The following ZNF385D variants were observed in gnomAD, a reference collection of about 807,000 sequenced individuals.
The protein encoded by ZNF385D is zinc finger protein 385D.
In ZNF385D, 15 loss-of-function variants were observed where a neutral mutation model predicts 35.8. That is an observed-to-expected ratio of 0.42 (90% CI 0.28 to 0.64). ZNF385D has a LOEUF of 0.64. Ranked by LOEUF, ZNF385D falls within the 30% of genes least tolerant of loss-of-function variation. The pLI is 0.23. For missense variants in ZNF385D, 474 were observed against 494.6 expected (o/e 0.96, Z 0.39); for synonymous variants, 212 against 186.8 (o/e 1.13, Z -1.10).
chr3:21,967,675 G>T (rs1702988145), intron 3 of ZNF385D, among the ~76,000 whole-genome samples: 1 of 152,304 alleles, frequency 6.6e-6, no homozygotes, highest in South Asian at 2.1e-4. Flanking sequence ...CTAACACACA[G>T]AAGACCTTTC....
intron 4 of ZNF385D, among the ~76,000 whole-genome samples, chr3:21,496,346 T>C (rs1004356252): frequency 7.0e-6 from 1 of 143,054 alleles, no homozygotes; most frequent in Non-Finnish European, 1.5e-5. Flanking sequence ...AGGTATCAAG[T>C]ATATATGTAT....
At chr3:22,235,173 T>C (rs1304170394) in intron 2 of ZNF385D, among the ~76,000 whole-genome samples, 2 of 152,048 alleles carry the variant, frequency 1.3e-5, no homozygotes, top group Non-Finnish European at 2.9e-5. Context: ...TATATGAATC[T>C]GGAATTTTAC....
chr3:21,554,635 T>C (rs899947463), intron 3 of ZNF385D, among the ~76,000 whole-genome samples: 1 of 152,178 alleles, frequency 6.6e-6, no homozygotes, highest in African/African-American at 2.4e-5. Context: ...GATAGCATAA[T>C]CTTCCAATAG....
chr3:21,983,189 G>T (rs1270334166), intron 3 of ZNF385D, among the ~76,000 whole-genome samples: 1 of 144,084 alleles, frequency 6.9e-6, no homozygotes, highest in Non-Finnish European at 1.5e-5. Flanking sequence ...TATACTTTAA[G>T]TTTTAGGGTA....
chr3:21,784,092 G>A (rs1435240509), intron 3 of ZNF385D, among the ~76,000 whole-genome samples: 7 of 152,104 alleles, frequency 4.6e-5, no homozygotes, highest in African/African-American at 1.7e-4. Flanking sequence ...TCAGTCTCCT[G>A]TAAGAAGTTT....
chr3:21,604,168 C>A (rs1025958317), intron 2 of ZNF385D, among the ~76,000 whole-genome samples: 8 of 151,986 alleles, frequency 5.3e-5, no homozygotes, highest in African/African-American at 1.9e-4. Flanking sequence ...GCAAACGTAG[C>A]CTAATAAAGA....
chr3:22,329,076 C>CAAAAAA (rs776193960), intron 2 of ZNF385D, among the ~76,000 whole-genome samples: 5 of 74,872 alleles, frequency 6.7e-5, no homozygotes, highest in Non-Finnish European at 9.8e-5. Context: ...GACTCCGTCT[C>CAAAAAA]AAAAAAAAAA....
intron 3 of ZNF385D, among the ~76,000 whole-genome samples, chr3:21,813,421 C>T (rs112129885): frequency 0.31 from 47,012 of 152,044 alleles, 8,158 homozygotes; most frequent in Non-Finnish European, 0.4. Flanking sequence ...AGGAGGATGT[C>T]TGAACCCATC....
At chr3:22,002,193 T>C (rs1055914402) in intron 3 of ZNF385D, among the ~76,000 whole-genome samples, 4 of 151,888 alleles carry the variant, frequency 2.6e-5, no homozygotes, top group African/African-American at 9.6e-5. Context: ...ATTAATGCAC[T>C]ATTAGCTCAA....
chr3:22,168,865 G>T lies in ZNF385D; in HGVS notation c.277C>A (p.Gln93Lys), dbSNP rs983594343. The T allele has an allele frequency of 1.3e-5, 13 of 985,804 alleles. 1 individual carries two copies. The highest frequency in any genetic ancestry group is 1.1e-4 in the East Asian group (1 of 8,806). The allele number at this position is 985,804 out of a possible 1,614,324, so 61.1% of individuals were successfully genotyped here. A position where few individuals can be genotyped will look rare whatever the true frequency, so the allele number is the denominator to read the frequency against. The stretch of plus-strand genomic sequence containing the variant: ...TTGCTGAGTTGTTTTAATCTCTTTT[G>T]ATGTGATTTGCCATTGTAGTGGATT... Residue 93 changes from glutamine (Q) to lysine (K), a missense_variant, in exon 3 of 6, where the codon CAA (glutamine) becomes AAA (lysine). Transcript: ENST00000494108.
chr3:22,061,948 T>G (rs1241323339), intron 3 of ZNF385D, among the ~76,000 whole-genome samples: 1 of 152,254 alleles, frequency 6.6e-6, no homozygotes, highest in African/African-American at 2.4e-5. Context: ...CCTAAAACAG[T>G]ATTGGTGAAT....
At chr3:21,426,822 A>G (rs1280373451) in intron 5 of ZNF385D, among the ~76,000 whole-genome samples, 1 of 152,186 alleles carries the variant, frequency 6.6e-6, no homozygotes, top group East Asian at 1.9e-4. Flanking sequence ...TAAGTAAGGG[A>G]CAATAAATAA....
chr3:22,064,505 T>C (rs936381456), intron 3 of ZNF385D, among the ~76,000 whole-genome samples: 38 of 152,206 alleles, frequency 2.5e-4, no homozygotes, highest in Admixed American at 2.5e-3. Flanking sequence ...CTTGCAGCAC[T>C]ATTCACAATA....
intron 2 of ZNF385D, among the ~76,000 whole-genome samples, chr3:22,290,415 C>T (rs1021437123): frequency 6.6e-6 from 1 of 152,138 alleles, no homozygotes; most frequent in African/African-American, 2.4e-5. Context: ...ACCTTTTCCT[C>T]TCATTGAGAA....
chr3:21,986,445 C>A (rs1694808768), intron 3 of ZNF385D, among the ~76,000 whole-genome samples: 1 of 111,940 alleles, frequency 8.9e-6, no homozygotes, highest in East Asian at 2.0e-4. Flanking sequence ...CATTCAGGAG[C>A]AGGTTGTTCA....
intron 3 of ZNF385D, among the ~76,000 whole-genome samples, chr3:21,758,549 T>C (rs75276434): frequency 0.038 from 5,770 of 152,180 alleles, 158 homozygotes; most frequent in Middle Eastern, 0.096. Flanking sequence ...AGGAACCTAA[T>C]ATGGGAGCCA....
At chr3:22,042,543 C>A (rs113443591) in intron 3 of ZNF385D, among the ~76,000 whole-genome samples, 2 of 152,100 alleles carry the variant, frequency 1.3e-5, no homozygotes, top group Admixed American at 6.6e-5. Context: ...TCTTTTACAA[C>A]AAGCTATTTC....
intron 3 of ZNF385D, among the ~76,000 whole-genome samples, chr3:21,895,802 T>G (rs1350724989): frequency 6.6e-6 from 1 of 152,076 alleles, no homozygotes. Context: ...GAATAGTAGT[T>G]TGCAAGATGG....
chr3:22,301,049 C>T (rs1034380529), intron 2 of ZNF385D, among the ~76,000 whole-genome samples: 3 of 151,866 alleles, frequency 2.0e-5, no homozygotes, highest in Non-Finnish European at 4.4e-5. Context: ...TGTCATTCAA[C>T]GTAATAAAGA....
Sources: allele counts gnomAD v4.1 joint callset (sites outside exome capture counted in the v4.1 genomes callset), GRCh38; gene constraint gnomAD v4.1.1; transcripts MANE v1.5; gene names NCBI Gene and HGNC (gene_info 2026-07-23, HGNC 2026-07-21).